The following SYMPK variants were observed in gnomAD, a reference collection of about 807,000 sequenced individuals.
SYMPK encodes symplekin.
Under a neutral mutation model 136.4 loss-of-function variants are expected in SYMPK, and 49 were observed. That is an observed-to-expected ratio of 0.36 (90% CI 0.29 to 0.46). The LOEUF (loss-of-function observed/expected upper bound fraction) is 0.46, where lower values mean the gene tolerates loss of function less well. Among genes scored for constraint, SYMPK ranks in the 20% least tolerant of loss-of-function variants. The probability of loss-of-function intolerance (pLI) is 1.00; values close to 1 mark genes in which losing one functional copy is unlikely to be tolerated. For synonymous variants in SYMPK, 766 were observed against 713.0 expected (o/e 1.07, Z -1.19); for missense variants, 1,365 against 1,690.0 (o/e 0.81, Z 3.37).
At chr19:45,845,875 G>A (rs1971547330) in intron 7 of SYMPK, among the ~76,000 whole-genome samples, 1 of 152,120 alleles carries the variant, frequency 6.6e-6, no homozygotes, top group South Asian at 2.1e-4. Flanking sequence ...TTGTCTTTTT[G>A]ATAAAAGTCA....
In SYMPK at chr19:45,822,863, G is replaced by A. The variant is rs1195006853; in HGVS notation, c.2701-17C>T. The A allele has an allele frequency of 4.4e-6, 7 of 1,594,766 alleles. No homozygotes were observed. The highest frequency in any genetic ancestry group is 4.5e-5 in the East Asian group (2 of 44,766). On this transcript the variant is annotated splice_polypyrimidine_tract_variant and intron_variant, in intron 20 of 26. Transcript: ENST00000245934. ...CACCTCTTTCTACAGGGAGAAGGTG[G>A]TGGGGGTGGGAGTTGAGTCACATAC...
chr19:45,836,796 G>C (rs1971312029), intron 10 of SYMPK, among the ~76,000 whole-genome samples: 4 of 151,994 alleles, frequency 2.6e-5, no homozygotes, highest in Admixed American at 2.6e-4. Flanking sequence ...ATGCCACCAT[G>C]CCCGGCTAAT....
In SYMPK at chr19:45,816,991, G is replaced by A. The variant is rs763794765; in HGVS notation, c.3082-17C>T. The A allele has an allele frequency of 1.2e-5, 18 of 1,551,494 alleles. No homozygotes were observed. The Admixed American group carries it at 3.2e-4, about 28-fold the overall frequency. ...CTTCCACACCTGAACCAGGGAGGGA[G>A]GGAGCCGTCGGGAGAGGCACACAGG... On this transcript the variant is annotated splice_polypyrimidine_tract_variant and intron_variant, in intron 23 of 26. Coordinates refer to ENST00000245934, the MANE Select transcript of SYMPK (RefSeq NM_004819.3).
At chr19:45,857,798 C>CTT (rs545837447) in intron 1 of SYMPK, among the ~76,000 whole-genome samples, 20 of 131,608 alleles carry the variant, frequency 1.5e-4, no homozygotes, top group African/African-American at 4.5e-4. Flanking sequence ...GCCGAAAATA[C>CTT]TTTTTTTTTT....
At chr19:45,845,730 T>C (rs1052139803) in intron 7 of SYMPK, among the ~76,000 whole-genome samples, 3 of 152,208 alleles carry the variant, frequency 2.0e-5, no homozygotes, top group Non-Finnish European at 4.4e-5. Context: ...GTGGGATTGC[T>C]GAATCATATG....
rs1210250230 is a variant in SYMPK, at chr19:45,821,812, C to CA, written c.2792-328dup. On this transcript the variant is annotated intron_variant, in intron 21 of 26. Transcript: ENST00000245934. This position sits in a 1 kb window ranked among gnomAD's most constrained non-coding sequence, Gnocchi z 4.4. Reference sequence around the variant, plus strand: ...CCACCTCCTCGTGTGGTCCCCAACACAGACTCCACCGCGGCACAGGGGGTC... The same window carrying CA: ...CCACCTCCTCGTGTGGTCCCCAACACAAGACTCCACCGCGGCACAGGGGGTC... 6.6e-6 allele frequency among the ~76,000 whole-genome samples: 1 copy of CA among 152,176 alleles called. No individual in the cohort carries two copies. The highest frequency in any genetic ancestry group is 1.5e-5 in the Non-Finnish European group (1 of 68,034).
At chr19:45,816,210 G>A in intron 25 of SYMPK, 27 bp from the exon 26 acceptor site, 1 of 1,449,492 alleles carries the variant, frequency 6.9e-7, no homozygotes. Context: ...CCACACAGAA[G>A]CTCAGAGGTG....
At chr19:45,854,125 A>G (rs1332458562) in intron 3 of SYMPK, 50 bp downstream of exon 3, 1 of 1,581,288 alleles carries the variant, frequency 6.3e-7, no homozygotes, top group South Asian at 1.1e-5. Flanking sequence ...TCAGGTTCCC[A>G]GCCTCCTCCC....
Position 45,835,175 on chromosome 19 carries a change from G to A in SYMPK, c.1296C>T (p.Ala432=). The change falls in exon 11 of 27, where the codon GCC becomes GCT. Residue 432 remains alanine, a synonymous_variant. Coordinates refer to ENST00000245934, the MANE Select transcript of SYMPK (RefSeq NM_004819.3). The stretch of plus-strand genomic sequence containing the variant: ...CTGCTGACTCCACGGGGGTGTAGAT[G>A]GCCTGGAAGGAGGCTGGCATGGCCT... ...LPEAMPASFQ[A]IYTPVESAGT... The A allele has an allele frequency of 6.2e-7, 1 of 1,610,658 alleles. No homozygotes were observed. Among genetic ancestry groups the A allele is most frequent in the Admixed American group, 1.7e-5 (1 of 59,668 alleles).
intron 7 of SYMPK, 141 bp downstream of exon 7, chr19:45,847,611 C>G (rs1482611759): frequency 6.9e-6 from 7 of 1,016,566 alleles, no homozygotes; most frequent in Non-Finnish European, 8.4e-6. Context: ...GGATCTGAAC[C>G]TAGCACCAGG....
At chr19:45,832,696 A>G (rs547316357) in intron 11 of SYMPK, among the ~76,000 whole-genome samples, 23 of 152,140 alleles carry the variant, frequency 1.5e-4, no homozygotes, top group African/African-American at 5.1e-4. Context: ...ACCTCACACG[A>G]CAACAATGAA....
In SYMPK at chr19:45,815,642, G is replaced by A; in HGVS notation, c.3743C>T (p.Ala1248Val). 1 of 1,610,514 alleles carries A rather than the reference G, an allele frequency of 6.2e-7. No homozygotes were observed. Among genetic ancestry groups the A allele is most frequent in the Non-Finnish European group, 8.5e-7 (1 of 1,179,102 alleles). The change falls in exon 27 of 27, where the codon GCA becomes GTA. Residue 1248 changes from alanine (A) to valine (V), a missense_variant. Around this residue, in one of 11 missense-constraint regions of SYMPK, gnomAD observed 341 missense variants for 270.5 expected, o/e 1.26. Transcript: ENST00000245934. ...LKEERSPQTL[A>V]PVGEDAMKTP... ...CTTCATAGCATCTTCTCCAACAGGT[G>A]CGAGGGTCTGGGGGCTCCGCTCCTC...
chr19:45,818,065 C>T lies in SYMPK; in HGVS notation c.2975G>A (p.Ser992Asn), dbSNP rs748351881. The T allele has an allele frequency of 3.6e-5, 56 of 1,564,298 alleles. No homozygotes were observed. Among genetic ancestry groups the T allele is most frequent in the Non-Finnish European group, 4.7e-5 (54 of 1,154,498 alleles). ...CCTCATGAGCAGCATGGGCAGGGGG[C>T]TCTGCTCCATCAGCTGCTGCATCAC... is the stretch of plus-strand genomic sequence containing the variant. ...AVVMQQLMEQ[S>N]PLPMLLMRTV... is the part of the protein sequence containing the mutation. Residue 992 changes from serine to asparagine, a missense_variant, in exon 23 of 27, where the codon AGC (serine) becomes AAC (asparagine). Physicochemically the swap from Ser to Asn is conservative, Grantham distance 46. Transcript: ENST00000245934.
rs1256740392 is a variant in SYMPK at position 45,831,462 on chromosome 19, C to T, written c.1520G>A (p.Ser507Asn). ...CTCTTCCTCCAGGGGGGACATGGAGCTCAGGGAACCCACCACCGAGATGGC... is the reference window on the plus strand; with the variant it reads ...CTCTTCCTCCAGGGGGGACATGGAGTTCAGGGAACCCACCACCGAGATGGC... The part of the protein sequence containing the change: ...GQAISVVGSL[S>N]SMSPLEEEAP... Residue 507 changes from serine to asparagine, a missense_variant, in exon 12 of 27, where the codon AGC becomes AAC. Coordinates refer to ENST00000245934, the MANE Select transcript of SYMPK (RefSeq NM_004819.3). 5 of 1,596,070 alleles carry T rather than the reference C, an allele frequency of 3.1e-6. No individual in the cohort carries two copies. The highest frequency in any genetic ancestry group is 1.4e-5 in the African/African-American group (1 of 70,488).
At position 45,852,552 on chromosome 19, in the gene SYMPK, G is replaced by A; in HGVS notation, c.172-17C>T. 1 of 1,614,080 alleles carries A rather than the reference G, an allele frequency of 6.2e-7. No homozygotes were observed. The highest frequency in any genetic ancestry group is 8.5e-7 in the Non-Finnish European group (1 of 1,180,012). On this transcript the variant is annotated splice_polypyrimidine_tract_variant and intron_variant, in intron 3 of 26. Transcript: ENST00000245934. Reference sequence around the variant, plus strand: ...CTCCTGGACCTGGAAGGAGATTGGGGGTGGGGAGGAGGAATACCCATATAA... The same window carrying A: ...CTCCTGGACCTGGAAGGAGATTGGGAGTGGGGAGGAGGAATACCCATATAA...
rs768088797 is a variant in SYMPK, at chr19:45,831,539, C to T, written c.1443G>A (p.Val481=). ...QCKEEPKEEK[V]VKTESVLIKR... ...TGATCAGGACGCTCTCTGTCTTCAC[C>T]ACCTTCTCCTCCTTGGGCTCCTCCT... Residue 481 remains valine (V), a synonymous_variant, in exon 12 of 27, where the codon GTG becomes GTA. Transcript: ENST00000245934. The T allele has an allele frequency of 8.1e-6, 13 of 1,611,810 alleles. No homozygotes were observed. The highest frequency in any genetic ancestry group is 1.0e-5 in the Non-Finnish European group (12 of 1,179,114).
rs1291303091 is a variant in SYMPK, at chr19:45,815,674, G to A, written c.3711C>T (p.Thr1237=). 1.4e-5 allele frequency: 23 copies of A among 1,610,194 alleles called. No homozygotes were observed. The highest frequency in any genetic ancestry group is 2.2e-5 in the East Asian group (1 of 44,754). The part of the protein sequence containing the change: ...LPKETAAGGL[T]LKEERSPQTL... ...TCTGGGGGCTCCGCTCCTCCTTCAA[G>A]GTCAGCCCGCCCGCTGCCGTCTCCT... is the stretch of plus-strand genomic sequence containing the variant. Residue 1237 remains threonine, a synonymous_variant, in exon 27 of 27, where the codon ACC becomes ACT. Coordinates refer to ENST00000245934, the MANE Select transcript of SYMPK (RefSeq NM_004819.3).
intron 1 of SYMPK, among the ~76,000 whole-genome samples, chr19:45,857,616 C>T (rs984786169): frequency 2.7e-5 from 4 of 150,660 alleles, no homozygotes; most frequent in African/African-American, 9.7e-5. Context: ...CTCAGCCTCC[C>T]CAGTAGCTGG....
At chr19:45,824,390 G>A (rs1970988075) in intron 18 of SYMPK, among the ~76,000 whole-genome samples, 1 of 152,104 alleles carries the variant, frequency 6.6e-6, no homozygotes, top group African/African-American at 2.4e-5. Flanking sequence ...CTGCCCTCGA[G>A]AAGCTCACAG....
Sources: gnomAD v4.1 joint callset for allele counts (sites outside exome capture counted in the v4.1 genomes callset) on GRCh38, gnomAD v4.1.1 for gene constraint, gnomAD v4.1.1 regional missense constraint, Gnocchi (gnomAD v3.1) non-coding constraint, MANE v1.5 for transcripts, NCBI Gene and HGNC (gene_info 2026-07-23, HGNC 2026-07-21) for gene names.